Variants in MRAP2 observed in about 807,000 individuals in gnomAD.
MRAP2 encodes melanocortin 2 receptor accessory protein 2.
MRAP2 carries 20 observed loss-of-function variants against 17.4 expected under a neutral mutation model. That is an observed-to-expected ratio of 1.15 (90% confidence interval 0.81 to 1.67). The LOEUF (loss-of-function observed/expected upper bound fraction) is 1.67, where lower values mean the gene tolerates loss of function less well. Among genes scored for constraint, MRAP2 ranks in the 40% most tolerant of loss-of-function variants. The pLI, the probability that MRAP2 is intolerant of heterozygous loss-of-function variation, is 0.00. For synonymous variants in MRAP2, 96 were observed against 88.4 expected, an observed-to-expected ratio of 1.09 and a Z score of -0.48; for missense variants, 238 against 240.0, an observed-to-expected ratio of 0.99 and a Z score of 0.05.
chr6:84,092,080 C>T (rs1391764550), downstream of MRAP2, among the ~76,000 whole-genome samples: 1 of 151,726 alleles, frequency 6.6e-6, no homozygotes, highest in African/African-American at 2.4e-5. Context: ...TTCTATCTTC[C>T]AGGGGTTGCT....
At chr6:84,044,792 G>A (rs1015948358) in intron 1 of MRAP2, among the ~76,000 whole-genome samples, 1 of 152,246 alleles carries the variant, frequency 6.6e-6, no homozygotes, top group Non-Finnish European at 1.5e-5. Context: ...GATGTTGGGT[G>A]TGGGGACACA....
At chr6:84,106,544 C>T in the MRAP2 span, among the ~76,000 whole-genome samples, 1 of 152,118 alleles carries the variant, frequency 6.6e-6, no homozygotes, top group Non-Finnish European at 1.5e-5. Context: ...AGTGGAGGTC[C>T]ATGTTGTTGA....
At chr6:84,130,192 T>C in the MRAP2 span, among the ~76,000 whole-genome samples, 1 of 152,216 alleles carries the variant, frequency 6.6e-6, no homozygotes, top group African/African-American at 2.4e-5. Context: ...CAGACTTGCA[T>C]CTCAGGGATG....
the MRAP2 span, among the ~76,000 whole-genome samples, chr6:84,104,910 T>C: frequency 0.017 from 2,519 of 152,258 alleles, 67 homozygotes; most frequent in African/African-American, 0.056. Context: ...CTAAATCATC[T>C]GTCTCAAGTT....
chr6:84,118,772 A>G, the MRAP2 span, among the ~76,000 whole-genome samples: 1 of 152,238 alleles, frequency 6.6e-6, no homozygotes, highest in East Asian at 1.9e-4. Context: ...GACGCTGCTC[A>G]GAACCCTGGA....
chr6:84,033,635 AAGGCGGCCTCGCGCTGGGG>A (rs2099485096), upstream of MRAP2: 8 of 972,906 alleles, frequency 8.2e-6, no homozygotes, highest in South Asian at 1.4e-4. Flanking sequence ...CCTCTTGGCC[AAGGCGGCCTCGCGCTGGGG>A]AGGCGGCTCT....
At chr6:84,035,849 C>T (rs2099485832) in intron 1 of MRAP2, among the ~76,000 whole-genome samples, 1 of 152,196 alleles carries the variant, frequency 6.6e-6, no homozygotes, top group South Asian at 2.1e-4. Flanking sequence ...CAGAATTCAT[C>T]TCTGAATTAT....
chr6:84,124,239 T>C, the MRAP2 span: 1 of 152,078 alleles, frequency 6.6e-6, no homozygotes, highest in Non-Finnish European at 1.5e-5. Flanking sequence ...GAAATCATTA[T>C]ATAAAAAAGA....
the MRAP2 span, among the ~76,000 whole-genome samples, chr6:84,117,130 C>T: frequency 6.6e-6 from 1 of 151,992 alleles, no homozygotes; most frequent in Non-Finnish European, 1.5e-5. Context: ...TCAAGTGATT[C>T]CCCTATCTCA....
chr6:84,057,855 A>T (rs1001095839), intron 2 of MRAP2, among the ~76,000 whole-genome samples: 1 of 152,198 alleles, frequency 6.6e-6, no homozygotes, highest in Non-Finnish European at 1.5e-5. Context: ...TAGAATTGCC[A>T]TCGAAAGCCT....
At chr6:84,073,840 C>A (rs1028496678) in intron 3 of MRAP2, among the ~76,000 whole-genome samples, 1 of 150,686 alleles carries the variant, frequency 6.6e-6, no homozygotes, top group South Asian at 2.1e-4. Context: ...AACACAAATT[C>A]GTAAATTTGC....
chr6:84,121,453 G>A, the MRAP2 span, among the ~76,000 whole-genome samples: 1 of 152,152 alleles, frequency 6.6e-6, no homozygotes, highest in Non-Finnish European at 1.5e-5. Flanking sequence ...AGACCAGCCT[G>A]GCCAACATGG....
At chr6:84,067,544 AC>A (rs543624463) in intron 3 of MRAP2, among the ~76,000 whole-genome samples, 77 of 152,134 alleles carry the variant, frequency 5.1e-4, no homozygotes, top group African/African-American at 1.8e-3. Context: ...GCTAACATCT[AC>A]TGTTTTTTGA....
chr6:84,103,568 A>C, the MRAP2 span, among the ~76,000 whole-genome samples: 1 of 152,214 alleles, frequency 6.6e-6, no homozygotes, highest in South Asian at 2.1e-4. Context: ...TATTGCACCC[A>C]GTTTGCTCCA....
chr6:84,105,343 G>C, the MRAP2 span, among the ~76,000 whole-genome samples: 2 of 152,132 alleles, frequency 1.3e-5, no homozygotes, highest in African/African-American at 4.8e-5. Flanking sequence ...ACGTGGCTGG[G>C]GAAGCCTCAC....
chr6:84,104,108 G>T, the MRAP2 span, among the ~76,000 whole-genome samples: 1 of 152,138 alleles, frequency 6.6e-6, no homozygotes, highest in African/African-American at 2.4e-5. Flanking sequence ...AAAGAAAAGG[G>T]TTTCCCTCAA....
At chr6:84,063,128 A>C in intron 3 of MRAP2, 136 bp downstream of exon 3, 1 of 1,466,076 alleles carries the variant, frequency 6.8e-7, no homozygotes, top group Non-Finnish European at 9.0e-7. Context: ...CTGGACCCAG[A>C]TGCCCGTGGA....
Position 84,045,208 on chromosome 6 carries a change from TAC to T in MRAP2, c.-7-10100_-7-10099del, listed in dbSNP as rs1284684098. 3.0e-6 allele frequency: 3 copies of T among 985,226 alleles called. No individual in the cohort carries two copies. In the African/African-American group the frequency reaches 5.2e-5, roughly 17 times the overall value. 61.0% of individuals were successfully genotyped at this position (985,226 alleles called of 1,614,324 possible). A position where few individuals can be genotyped will look rare whatever the true frequency, so the allele number is the denominator to read the frequency against. The stretch of plus-strand genomic sequence containing the variant: ...ATGCTAAGGAATGACTTTATATATA[TAC>T]ACAATGAATGATGATAGTGACGCTG... On this transcript the variant is annotated intron_variant, in intron 1 of 3. Transcript: ENST00000257776.
chr6:84,134,441 C>T, the MRAP2 span, among the ~76,000 whole-genome samples: 1 of 152,186 alleles, frequency 6.6e-6, no homozygotes, highest in Admixed American at 6.5e-5. Flanking sequence ...AACGGCCGCC[C>T]AGTTTTGTGC....
Sources: allele counts gnomAD v4.1 joint callset (sites outside exome capture counted in the v4.1 genomes callset), GRCh38; gene constraint gnomAD v4.1.1; transcripts MANE v1.5; gene names NCBI Gene and HGNC (gene_info 2026-07-23, HGNC 2026-07-21).